The following DOCK9 variants were observed in gnomAD, a reference collection of about 807,000 sequenced individuals.
The protein encoded by DOCK9 is dedicator of cytokinesis protein 9.
DOCK9 carries 89 observed loss-of-function variants against 263.3 expected under a neutral mutation model. The observed-to-expected ratio is 0.34, with a 90% confidence interval of 0.28 to 0.40. DOCK9 has a LOEUF of 0.40. DOCK9 is among the 10% of genes least tolerant of loss of function. The pLI, the probability that DOCK9 is intolerant of heterozygous loss-of-function variation, is 1.00. For missense variants in DOCK9, 2,140 were observed against 2,603.4 expected (o/e 0.82, Z 3.87); for synonymous variants, 976 against 973.1 (o/e 1.00, Z -0.06).
chr13:98,889,894 T>C (rs2046364463), intron 15 of DOCK9, among the ~76,000 whole-genome samples: 1 of 152,220 alleles, frequency 6.6e-6, no homozygotes, highest in East Asian at 1.9e-4. Flanking sequence ...TATACCTGTC[T>C]ATTAACACAG....
chr13:98,820,636 T>C (rs1232186127), intron 45 of DOCK9: 1 of 424,138 alleles, frequency 2.4e-6, no homozygotes, highest in East Asian at 7.9e-5. Flanking sequence ...TGCTCTGCTA[T>C]GAGGATCTGT....
Position 98,881,963 on chromosome 13 carries a change from G to C in DOCK9, c.2604C>G (p.Pro868=). Residue 868 remains proline, a synonymous_variant, in exon 24 of 53, where the codon CCC becomes CCG. Coordinates refer to ENST00000682017, the MANE Select transcript of DOCK9 (RefSeq NM_001366683.2). Reference sequence around the variant, plus strand: ...CTCGGAACAGCTGGTTTAGGATAGTGGGCAAGAAGGCGATCATCACGTGGC... The same window carrying C: ...CTCGGAACAGCTGGTTTAGGATAGTCGGCAAGAAGGCGATCATCACGTGGC... ...MEGHVMIAFL[P]TILNQLFRVL... 6.2e-7 allele frequency: 1 copy of C among 1,600,926 alleles called. No individual in the cohort carries two copies. The highest frequency in any genetic ancestry group is 8.5e-7 in the Non-Finnish European group (1 of 1,173,966).
chr13:98,978,098 C>A, upstream of DOCK9: 1 of 1,416,072 alleles, frequency 7.1e-7, no homozygotes, highest in Non-Finnish European at 9.2e-7. Context: ...AAAGGCCAGC[C>A]TCCAGGGGTG....
chr13:98,807,089 G>C (rs921636137), intron 48 of DOCK9, among the ~76,000 whole-genome samples: 1 of 152,270 alleles, frequency 6.6e-6, no homozygotes, highest in South Asian at 2.1e-4. Flanking sequence ...CTGACCTCCT[G>C]GAGATGTCCT....
chr13:99,023,240 T>G (rs1886325347), intron 1 of DOCK9, among the ~76,000 whole-genome samples: 1 of 152,174 alleles, frequency 6.6e-6, no homozygotes, highest in African/African-American at 2.4e-5. Context: ...GAAGTGTCCA[T>G]CAGTGGATGA....
rs191887103 is a variant in DOCK9, at chr13:98,943,453, T to C, written c.243+11982A>G. ...GGAACCATAGAGATTTTGTGCCTGG[T>C]CATACGTTAAATGACATCTAGGAAT... On this transcript the variant is annotated intron_variant, in intron 2 of 52. Coordinates refer to ENST00000682017, the MANE Select transcript of DOCK9 (RefSeq NM_001366683.2). Among the ~76,000 whole-genome samples, 174 of 152,352 alleles carry C rather than the reference T, an allele frequency of 1.1e-3. 1 individual carries two copies. Among genetic ancestry groups the C allele is most frequent in the African/African-American group, 3.9e-3 (163 of 41,578 alleles).
At chr13:98,849,040 T>A (rs188045096) in intron 36 of DOCK9, among the ~76,000 whole-genome samples, 42 of 152,298 alleles carry the variant, frequency 2.8e-4, no homozygotes, top group Admixed American at 2.4e-3. Flanking sequence ...TATAAGGAGC[T>A]CTCTCTTTTG....
At chr13:98,822,493 T>C (rs1273434661) in intron 45 of DOCK9, among the ~76,000 whole-genome samples, 1 of 152,156 alleles carries the variant, frequency 6.6e-6, no homozygotes, top group Non-Finnish European at 1.5e-5. Flanking sequence ...AATGGTACAC[T>C]CCAGAGGTCT....
At chr13:98,986,637 C>T (rs1300547959) in intron 1 of DOCK9, among the ~76,000 whole-genome samples, 1 of 152,180 alleles carries the variant, frequency 6.6e-6, no homozygotes, top group South Asian at 2.1e-4. Flanking sequence ...TGATGTATCC[C>T]TTTCTCATCC....
At chr13:98,802,053 G>C (rs2090175208) in intron 49 of DOCK9, among the ~76,000 whole-genome samples, 1 of 152,218 alleles carries the variant, frequency 6.6e-6, no homozygotes, top group Non-Finnish European at 1.5e-5. Context: ...CCTAGTCAGG[G>C]AGGCAGTGCT....
chr13:98,974,403 G>A (rs76751790), intron 1 of DOCK9, among the ~76,000 whole-genome samples: 12,055 of 152,128 alleles, frequency 0.079, 621 homozygotes, highest in East Asian at 0.17. Flanking sequence ...CCTGTAAGTT[G>A]AACCTTGCAG....
At position 99,057,261 on chromosome 13, in the gene DOCK9, C is replaced by T. The variant is rs185233639; in HGVS notation, c.129+28962G>A. On this transcript the variant is annotated intron_variant, in intron 1 of 32. Transcript: ENST00000427887. ...ACTTGCAACCAAGAGTCCAAATTAA[C>T]ACATCTAATTCCTAGCATACAGACA... 3.3e-5 allele frequency among the ~76,000 whole-genome samples: 5 copies of T among 152,264 alleles called. No individual in the cohort carries two copies. In the East Asian group the frequency reaches 9.6e-4, roughly 29 times the overall value.
At chr13:98,932,053 T>G (rs148357939) in intron 2 of DOCK9, among the ~76,000 whole-genome samples, 410 of 152,220 alleles carry the variant, frequency 2.7e-3, no homozygotes, top group African/African-American at 9.2e-3. Context: ...GAAAGAAATA[T>G]TCTAGTTTTT....
At chr13:99,025,829 C>T (rs941249635) in intron 1 of DOCK9, among the ~76,000 whole-genome samples, 1 of 152,134 alleles carries the variant, frequency 6.6e-6, no homozygotes, top group African/African-American at 2.4e-5. Flanking sequence ...TAAACAACTA[C>T]AGAATACAAT....
chr13:98,997,306 C>A (rs960236149), intron 1 of DOCK9, among the ~76,000 whole-genome samples: 2 of 152,234 alleles, frequency 1.3e-5, no homozygotes, highest in Admixed American at 6.5e-5. Flanking sequence ...GGTTCGCCCA[C>A]CCCACGCCCA....
intron 1 of DOCK9, among the ~76,000 whole-genome samples, chr13:99,001,364 C>G (rs181670124): frequency 1.3e-5 from 2 of 152,336 alleles, no homozygotes; most frequent in African/African-American, 4.8e-5. Context: ...ATTATATACA[C>G]AGCTACCAAG....
intron 7 of DOCK9, among the ~76,000 whole-genome samples, chr13:98,917,639 T>A (rs2051105537): frequency 6.8e-6 from 1 of 148,116 alleles, no homozygotes; most frequent in African/African-American, 2.5e-5. Flanking sequence ...TTTACCTTTT[T>A]TTTTCTTTTT....
chr13:98,955,407 C>G, intron 2 of DOCK9, 28 bp downstream of exon 2: 1 of 1,467,376 alleles, frequency 6.8e-7, no homozygotes, highest in East Asian at 2.4e-5. Context: ...ACACGTGGTT[C>G]TACGGATAGA....
chr13:98,878,267 T>C (rs567097462), intron 27 of DOCK9, among the ~76,000 whole-genome samples: 1 of 152,356 alleles, frequency 6.6e-6, no homozygotes, highest in African/African-American at 2.4e-5. Context: ...TACTTTATTA[T>C]GGCAACCCTA....
Sources: allele counts gnomAD v4.1 joint callset (sites outside exome capture counted in the v4.1 genomes callset), GRCh38; gene constraint gnomAD v4.1.1; transcripts MANE v1.5; gene names NCBI Gene and HGNC (gene_info 2026-07-23, HGNC 2026-07-21).